Variants in DMKN observed in about 807,000 individuals in gnomAD.
The protein encoded by DMKN is epidermis-specific secreted protein SK30/SK89.
Under a neutral mutation model 67.6 loss-of-function variants are expected in DMKN, and 58 were observed. The observed-to-expected ratio is 0.86, with a 90% CI of 0.69 to 1.07. The LOEUF (loss-of-function observed/expected upper bound fraction) is 1.07. DMKN is among the 50% of genes least tolerant of loss of function. DMKN has a pLI of 0.00. For missense variants in DMKN, 596 were observed against 601.5 expected, an observed-to-expected ratio of 0.99 and a Z score of 0.10; for synonymous variants, 240 against 232.3, an observed-to-expected ratio of 1.03 and a Z score of -0.30.
chr19:35,510,148 C>A (rs758378138), intron 6 of DMKN, 36 bp downstream of exon 6: 35 of 1,584,604 alleles, frequency 2.2e-5, no homozygotes, highest in Non-Finnish European at 2.9e-5. Flanking sequence ...CCTTTTCCTT[C>A]CCGCGGTTGG....
chr19:35,512,679 A>C lies in DMKN; in HGVS notation c.538T>G (p.Ser180Ala). 6.2e-7 allele frequency: 1 copy of C among 1,614,156 alleles called. No individual in the cohort carries two copies. The highest frequency in any genetic ancestry group is 1.1e-5 in the South Asian group (1 of 91,086). The change falls in exon 2 of 16, where the codon TCA (serine) becomes GCA (alanine). Residue 180 changes from serine (S) to alanine (A), a missense_variant. Coordinates refer to ENST00000339686, the MANE Select transcript of DMKN (RefSeq NM_033317.5). The stretch of plus-strand genomic sequence containing the variant: ...GGATTCATTCCAAAGCTGCCTGCTG[A>C]GTTTCCGGGGTATCCGTGGACCCAC... Reference protein sequence around the residue: ...TPWVHGYPGNSAGSFGMNPQG... With the variant: ...TPWVHGYPGNAAGSFGMNPQG...
At chr19:35,507,973 T>C in intron 7 of DMKN, 1 of 537,078 alleles carries the variant, frequency 1.9e-6, no homozygotes, top group Admixed American at 3.5e-5. Context: ...TGAGGCGGCA[T>C]AGAGTAGACT....
At chr19:35,512,260 A>T (rs1187761081) in intron 3 of DMKN, among the ~76,000 whole-genome samples, 161 bp downstream of exon 3, 1 of 151,956 alleles carries the variant, frequency 6.6e-6, no homozygotes, top group Non-Finnish European at 1.5e-5. Context: ...GGCCTCCCAA[A>T]GTGCTGGGAT....
At chr19:35,498,816 C>A (rs780222714) in intron 14 of DMKN, 53 bp from the exon 15 acceptor site, 2 of 1,614,184 alleles carry the variant, frequency 1.2e-6, no homozygotes, top group Non-Finnish European at 1.7e-6. Flanking sequence ...CTTCCATACC[C>A]TCTGGCCTCA....
intron 15 of DMKN, chr19:35,498,457 CCCCAGCCTCCCAA>C: frequency 1.8e-6 from 1 of 552,002 alleles, no homozygotes; most frequent in Non-Finnish European, 3.2e-6. Flanking sequence ...GATCCTCCCA[CCCCAGCCTCCCAA>C]AGCACAGAGA....
intron 7 of DMKN, chr19:35,507,561 G>T: frequency 6.7e-7 from 1 of 1,486,016 alleles, no homozygotes; most frequent in Non-Finnish European, 9.2e-7. Context: ...AGGCGGGCAG[G>T]GGGACGAGAG....
chr19:35,498,449 T>A (rs1207422067), intron 15 of DMKN: 4 of 532,546 alleles, frequency 7.5e-6, no homozygotes, highest in South Asian at 4.9e-5. Flanking sequence ...ACTCAAGTGA[T>A]CCTCCCACCC....
Position 35,498,673 on chromosome 19 carries a change from C to CA in DMKN, c.*42dup, listed in dbSNP as rs759098592. On this transcript the variant is annotated intron_variant, in intron 15 of 15. Coordinates refer to ENST00000339686, the MANE Select transcript of DMKN (RefSeq NM_033317.5). ...GCCCTGCCCCGGGTGACTGTGCCTC[C>CA]ACTGCCAGGATGTGGCCTGGGTCGG... is the stretch of plus-strand genomic sequence containing the variant. The CA allele has an allele frequency of 6.2e-6, 10 of 1,612,548 alleles. No individual in the cohort carries two copies. The African/African-American group carries it at 8.0e-5, about 13-fold the overall frequency.
intron 9 of DMKN, among the ~76,000 whole-genome samples, chr19:35,504,375 G>A (rs933213536): frequency 2.0e-5 from 3 of 152,184 alleles, no homozygotes; most frequent in South Asian, 2.1e-4. Flanking sequence ...TCAGGAGTTC[G>A]AGACCAGCCT....
rs1444344675 is a variant in DMKN, at chr19:35,500,042, T to G, written c.1288-13A>C. 2 of 1,614,194 alleles carry G rather than the reference T, an allele frequency of 1.2e-6. No individual in the cohort carries two copies. The highest frequency in any genetic ancestry group is 8.5e-7 in the Non-Finnish European group (1 of 1,180,022). Reference sequence around the variant, plus strand: ...TGTAATTGTAGTTCTGTGGAAGAAGTGGGCATGGCGGTTAGAACAGACGGA... The same window carrying G: ...TGTAATTGTAGTTCTGTGGAAGAAGGGGGCATGGCGGTTAGAACAGACGGA... On this transcript the variant is annotated splice_polypyrimidine_tract_variant and intron_variant, in intron 12 of 15. Coordinates refer to ENST00000339686, the MANE Select transcript of DMKN (RefSeq NM_033317.5).
intron 11 of DMKN, among the ~76,000 whole-genome samples, chr19:35,500,798 C>A (rs2068223137): frequency 6.6e-6 from 1 of 152,220 alleles, no homozygotes; most frequent in South Asian, 2.1e-4. Context: ...CAACACCTTC[C>A]CCACCCATGC....
chr19:35,510,422 G>C (rs2070538343), intron 5 of DMKN, 170 bp from the exon 6 acceptor site: 2 of 1,552,304 alleles, frequency 1.3e-6, no homozygotes. Flanking sequence ...AAGTTATTCC[G>C]AGCATGGAGA....
chr19:35,507,582 C>T (rs1488405857), intron 7 of DMKN: 6 of 1,363,456 alleles, frequency 4.4e-6, no homozygotes, highest in Non-Finnish European at 6.1e-6. Flanking sequence ...GGCAAGGAAG[C>T]AGGGTGTCGG....
rs369966824 is a variant in DMKN, at chr19:35,512,531, G to A, written c.628-54C>T. 4.2e-4 allele frequency: 676 copies of A among 1,613,908 alleles called. 2 individuals are homozygous for A. Among genetic ancestry groups the A allele is most frequent in the Middle Eastern group, 1.8e-3 (11 of 6,084 alleles). On this transcript the variant is annotated intron_variant, in intron 2 of 15. Transcript: ENST00000339686. ...ATCCAGAGGGACCAGGGAGGCACGCGGAGCATGTGGGCTTGGAGGGAGGGA... is the reference window on the plus strand; with the variant it reads ...ATCCAGAGGGACCAGGGAGGCACGCAGAGCATGTGGGCTTGGAGGGAGGGA...
intron 7 of DMKN, 118 bp from the exon 8 acceptor site, chr19:35,506,104 G>A: frequency 1.3e-6 from 2 of 1,596,202 alleles, no homozygotes; most frequent in Non-Finnish European, 1.7e-6. Context: ...CCAGCCCAAG[G>A]TGGAGTGTTG....
intron 7 of DMKN, chr19:35,509,697 A>T (rs2070345552): frequency 1.8e-6 from 1 of 552,292 alleles, no homozygotes; most frequent in Non-Finnish European, 3.2e-6. Flanking sequence ...CATCTGTGGT[A>T]TAAGGTGAGG....
At position 35,507,418 on chromosome 19, in the gene DMKN, C is replaced by G. The variant is rs757022855; in HGVS notation, c.1039-1432G>C. The G allele has an allele frequency of 2.6e-6, 4 of 1,531,544 alleles. 1 individual carries two copies. The South Asian group carries it at 4.8e-5, about 18-fold the overall frequency. 94.9% of individuals were successfully genotyped at this position (1,531,544 alleles called of 1,614,324 possible). A position where few individuals can be genotyped will look rare whatever the true frequency, so the allele number is the denominator to read the frequency against. On this transcript the variant is annotated intron_variant, in intron 7 of 15. Coordinates refer to ENST00000339686, the MANE Select transcript of DMKN (RefSeq NM_033317.5). ...CCAGGATCTTAGCATGCTTCACCAT[C>G]CCTTCTCCTAAAGCCAACCCTGCCT... is the stretch of plus-strand genomic sequence containing the variant.
intron 9 of DMKN, 21 bp from the exon 10 acceptor site, chr19:35,502,907 G>A (rs768967630): frequency 6.2e-7 from 1 of 1,611,082 alleles, no homozygotes; most frequent in Middle Eastern, 1.7e-4. Context: ...AAGGCGGGGA[G>A]CAGGTTAGCA....
At chr19:35,508,188 A>G (rs2069970961) in intron 7 of DMKN, 1 of 1,552,116 alleles carries the variant, frequency 6.4e-7, no homozygotes, top group Non-Finnish European at 8.7e-7. Flanking sequence ...CTGACCCCAC[A>G]TCTACCATCC....
Sources: gnomAD v4.1 joint callset for allele counts (sites outside exome capture counted in the v4.1 genomes callset) on GRCh38, gnomAD v4.1.1 for gene constraint, MANE v1.5 for transcripts, NCBI Gene and HGNC (gene_info 2026-07-23, HGNC 2026-07-21) for gene names.